The following SCAMP1 variants were observed in gnomAD, a reference collection of about 807,000 sequenced individuals.
The protein encoded by SCAMP1 is secretory carrier-associated membrane protein 1.
SCAMP1 carries 15 observed loss-of-function variants against 41.8 expected under a neutral mutation model. The ratio of observed to expected loss-of-function variants is 0.36; its 90% CI spans 0.24 to 0.55. The LOEUF is 0.55. Among genes scored for constraint, SCAMP1 ranks in the 20% least tolerant of loss-of-function variants. The probability of loss-of-function intolerance (pLI) is 0.86; values close to 1 mark genes in which losing one functional copy is unlikely to be tolerated. For missense variants in SCAMP1, 341 were observed against 412.6 expected, an observed-to-expected ratio of 0.83 and a Z score of 1.50; for synonymous variants, 135 against 136.8, an observed-to-expected ratio of 0.99 and a Z score of 0.09.
At chr5:78,444,045 C>T (rs914685657) in intron 6 of SCAMP1, among the ~76,000 whole-genome samples, 2 of 151,802 alleles carry the variant, frequency 1.3e-5, no homozygotes, top group Non-Finnish European at 2.9e-5. Context: ...TTTTTTTGCA[C>T]TGTTGTGGTA....
chr5:78,478,042 G>A lies in SCAMP1; in HGVS notation c.*2374G>A, dbSNP rs1443432210. ...TATGGCAATTTTATTTCAAACTAAA[G>A]TTTGAACACCGGAAAGTCATTACTC... On this transcript the variant is annotated 3_prime_UTR_variant, in exon 9 of 9. Transcript: ENST00000621999. The A allele has an allele frequency of 6.6e-6, 1 of 152,506 alleles. No homozygotes were observed. Among genetic ancestry groups the A allele is most frequent in the East Asian group, 1.9e-4 (1 of 5,202 alleles). 9.4% of individuals were successfully genotyped at this position (152,506 alleles called of 1,614,324 possible).
intron 6 of SCAMP1, among the ~76,000 whole-genome samples, chr5:78,441,107 C>G (rs1752911422): frequency 6.6e-6 from 1 of 152,210 alleles, no homozygotes; most frequent in Non-Finnish European, 1.5e-5. Flanking sequence ...TACCATCTTT[C>G]ATGGCTTCCC....
At chr5:78,389,994 A>G (rs1290349141) in intron 2 of SCAMP1, among the ~76,000 whole-genome samples, 1 of 152,216 alleles carries the variant, frequency 6.6e-6, no homozygotes, top group Non-Finnish European at 1.5e-5. Flanking sequence ...GGAGAGGGTC[A>G]TGGAAACCCC....
chr5:78,388,146 G>T (rs971126032), intron 1 of SCAMP1, among the ~76,000 whole-genome samples: 1 of 152,130 alleles, frequency 6.6e-6, no homozygotes, highest in Non-Finnish European at 1.5e-5. Context: ...CACGATGTAG[G>T]TCTCCACGTG....
chr5:78,399,553 C>T lies in SCAMP1; in HGVS notation c.135+10639C>T, dbSNP rs114581571. Among the ~76,000 whole-genome samples, 498 of 152,258 alleles carry T rather than the reference C, an allele frequency of 3.3e-3. 3 individuals are homozygous for T. The highest frequency in any genetic ancestry group is 0.011 in the African/African-American group (455 of 41,552). On this transcript the variant is annotated intron_variant, in intron 2 of 8. Transcript: ENST00000621999. Reference sequence around the variant, plus strand: ...GTGTCATTGTTTTAGTTTGCATTTCCCTGATGACATATGATGTGGAGCACC... The same window carrying T: ...GTGTCATTGTTTTAGTTTGCATTTCTCTGATGACATATGATGTGGAGCACC...
intron 2 of SCAMP1, among the ~76,000 whole-genome samples, chr5:78,391,678 C>T (rs1011043379): frequency 4.6e-5 from 7 of 152,154 alleles, no homozygotes; most frequent in Non-Finnish European, 8.8e-5. Context: ...GAGGTTGTAG[C>T]GAGCCGAGAT....
chr5:78,451,585 T>TC (rs1220638212), intron 7 of SCAMP1, among the ~76,000 whole-genome samples: 28 of 152,232 alleles, frequency 1.8e-4, no homozygotes. Context: ...TTGGCTTTTT[T>TC]CCCCTCAGTG....
At chr5:78,460,781 CTT>C (rs1753572193) in intron 8 of SCAMP1, among the ~76,000 whole-genome samples, 1 of 42,158 alleles carries the variant, frequency 2.4e-5, no homozygotes, top group African/African-American at 1.6e-4. Flanking sequence ...TCCTTCCTTC[CTT>C]CCTTCCTTCC....
intron 6 of SCAMP1, among the ~76,000 whole-genome samples, chr5:78,445,842 G>A (rs1233699589): frequency 6.6e-6 from 1 of 152,218 alleles, no homozygotes; most frequent in Non-Finnish European, 1.5e-5. Context: ...GACAGCTCAG[G>A]TAAAGGAAGA....
intron 5 of SCAMP1, 22 bp from the exon 6 acceptor site, chr5:78,421,779 A>G (rs1752345358): frequency 1.3e-6 from 2 of 1,573,964 alleles, no homozygotes; most frequent in Non-Finnish European, 1.7e-6. Context: ...TTCTTTTTCT[A>G]TTTTGTTTTC....
chr5:78,454,774 G>A (rs189931269), intron 7 of SCAMP1, among the ~76,000 whole-genome samples: 2,941 of 152,232 alleles, frequency 0.019, 86 homozygotes, highest in African/African-American at 0.061. Context: ...GTTCCTCCTT[G>A]TACCTCTGAT....
chr5:78,410,121 T>C (rs1752036075), intron 2 of SCAMP1, among the ~76,000 whole-genome samples: 1 of 152,042 alleles, frequency 6.6e-6, no homozygotes, highest in African/African-American at 2.4e-5. Context: ...CTTTTTCTTT[T>C]TTTTTTTTTT....
intron 2 of SCAMP1, among the ~76,000 whole-genome samples, chr5:78,398,474 C>T (rs1751712100): frequency 6.8e-6 from 1 of 146,108 alleles, no homozygotes; most frequent in Non-Finnish European, 1.5e-5. Flanking sequence ...AAGCAATCTT[C>T]CCACCTTGGC....
intron 1 of SCAMP1, among the ~76,000 whole-genome samples, chr5:78,382,811 G>GTGTGTGTGTGTT (rs1189365616): frequency 0.027 from 1,894 of 69,248 alleles, 57 homozygotes; most frequent in African/African-American, 0.072. Flanking sequence ...GTGTGTGTGT[G>GTGTGTGTGTGTT]TGTGTGTGCG....
At position 78,453,616 on chromosome 5, in the gene SCAMP1, G is replaced by A. The variant is rs1753301458; in HGVS notation, c.734+3582G>A. 2.6e-5 allele frequency among the ~76,000 whole-genome samples: 4 copies of A among 152,094 alleles called. No individual in the cohort carries two copies. In the South Asian group the frequency reaches 6.2e-4, roughly 24 times the overall value. ...TTGTAGTATAGTTTGAAGTCAGGTA[G>A]TGTGATGCCTCCAGCTTTGTTCTTT... On this transcript the variant is annotated intron_variant, in intron 7 of 8. Coordinates refer to ENST00000621999, the MANE Select transcript of SCAMP1 (RefSeq NM_004866.6).
At chr5:78,369,736 G>A (rs1028799746) in intron 1 of SCAMP1, among the ~76,000 whole-genome samples, 2 of 152,042 alleles carry the variant, frequency 1.3e-5, no homozygotes, top group South Asian at 2.1e-4. Context: ...CTAATATATC[G>A]ACCATATTGG....
At chr5:78,378,558 T>C (rs1478022906) in intron 1 of SCAMP1, among the ~76,000 whole-genome samples, 1 of 152,262 alleles carries the variant, frequency 6.6e-6, no homozygotes. Context: ...TGTAAACTTT[T>C]ATTCTCTTGT....
chr5:78,436,339 G>T (rs761862023), intron 6 of SCAMP1, among the ~76,000 whole-genome samples: 1 of 152,126 alleles, frequency 6.6e-6, no homozygotes, highest in Non-Finnish European at 1.5e-5. Flanking sequence ...TTTTCTTCTA[G>T]GGTTTTTATA....
At chr5:78,396,121 CAT>C (rs775651117) in intron 2 of SCAMP1, among the ~76,000 whole-genome samples, 6 of 152,120 alleles carry the variant, frequency 3.9e-5, no homozygotes, top group Non-Finnish European at 7.4e-5. Flanking sequence ...ATCCTTGAAA[CAT>C]AGAGGATTTT....
Sources: gnomAD v4.1 joint callset for allele counts (sites outside exome capture counted in the v4.1 genomes callset) on GRCh38, gnomAD v4.1.1 for gene constraint, MANE v1.5 for transcripts, NCBI Gene and HGNC (gene_info 2026-07-23, HGNC 2026-07-21) for gene names.